EPS15L1: variants seen among roughly 807,000 people sequenced by gnomAD.
The protein encoded by EPS15L1 is epidermal growth factor receptor substrate 15-like 1.
A neutral mutation model predicts 117.1 loss-of-function variants in EPS15L1; 43 were observed. The observed-to-expected ratio is 0.37, with a 90% CI of 0.29 to 0.47. The LOEUF (loss-of-function observed/expected upper bound fraction) is 0.47. Among genes scored for constraint, EPS15L1 ranks in the 20% least tolerant of loss-of-function variants. The pLI, the probability that EPS15L1 is intolerant of heterozygous loss-of-function variation, is 0.99. For missense variants in EPS15L1, 981 were observed against 1,164.0 expected, an observed-to-expected ratio of 0.84 and a Z score of 2.29; for synonymous variants, 459 against 470.5, an observed-to-expected ratio of 0.98 and a Z score of 0.32.
rs768287701 is a variant in EPS15L1, at chr19:16,450,477, C to CTTT, written c.34-8261_34-8259dup. Among the ~76,000 whole-genome samples, 515 of 108,048 alleles carry CTTT rather than the reference C, an allele frequency of 4.8e-3. 8 individuals are homozygous for CTTT. The highest frequency in any genetic ancestry group is 7.2e-3 in the East Asian group (28 of 3,868). The allele number at this position is 108,048 out of a possible 152,430, so 70.9% of individuals were successfully genotyped here. ...CGTGAGCCCCAGGCATGTCCATCTT[C>CTTT]TTTTTTTTTTTTTTTTTTTTTGAGA... On this transcript the variant is annotated intron_variant, in intron 1 of 23. Coordinates refer to ENST00000455140, the MANE Select transcript of EPS15L1 (RefSeq NM_001258374.3).
rs1183718416 is a variant in EPS15L1, at chr19:16,371,977, C to T, written c.2380+5145G>A. ...TGTGCTGCATCTGCCTGAAAGAAAC[C>T]AGTTTCTTCTGCCCAAAACAGACAC... On this transcript the variant is annotated intron_variant, in intron 22 of 23. Coordinates refer to ENST00000455140, the MANE Select transcript of EPS15L1 (RefSeq NM_001258374.3). The surrounding 1 kb of genome is among the most constrained non-coding windows in gnomAD (Gnocchi z 4.7). Among the ~76,000 whole-genome samples, 1 of 152,218 alleles carries T rather than the reference C, an allele frequency of 6.6e-6. No homozygotes were observed.
intron 8 of EPS15L1, 34 bp from the exon 9 acceptor site, chr19:16,425,350 CAAGGCT>C: frequency 6.8e-7 from 1 of 1,460,200 alleles, no homozygotes; most frequent in Non-Finnish European, 9.4e-7. Flanking sequence ...ACTGAAGGGG[CAAGGCT>C]GGGGCCGGGA....
chr19:16,364,785 C>A lies in EPS15L1; in HGVS notation c.2381-2801G>T, dbSNP rs1442084296. On this transcript the variant is annotated intron_variant, in intron 22 of 23. Coordinates refer to ENST00000455140, the MANE Select transcript of EPS15L1 (RefSeq NM_001258374.3). ...GAAGGGGCTCCCTAGGGCTCCTGAG[C>A]AGGATGGAGGGTGGGCGAGGGCCCC... Among the ~76,000 whole-genome samples, 3 of 152,304 alleles carry A rather than the reference C, an allele frequency of 2.0e-5. No individual in the cohort carries two copies. In the East Asian group the frequency reaches 5.8e-4, roughly 29 times the overall value.
Position 16,448,547 on chromosome 19 carries a change from A to AGGGG in EPS15L1, c.34-6332_34-6329dup, listed in dbSNP as rs56824066. Among the ~76,000 whole-genome samples the AGGGG allele has an allele frequency of 1.1e-3, 134 of 119,186 alleles. 1 individual carries two copies. The highest frequency in any genetic ancestry group is 2.4e-3 in the South Asian group (9 of 3,704). 78.2% of individuals were successfully genotyped at this position (119,186 alleles called of 152,430 possible). ...GAGCAAAATTCCGTATTAAAAAAAA[A>AGGGG]GGGGGGGGGAGAAAGGCCGGGCGCG... is the stretch of plus-strand genomic sequence containing the variant. On this transcript the variant is annotated intron_variant, in intron 1 of 23. Transcript: ENST00000455140.
Position 16,440,875 on chromosome 19 carries a change from A to G in EPS15L1, c.200T>C (p.Phe67Ser). The G allele has an allele frequency of 6.2e-7, 1 of 1,614,168 alleles. No homozygotes were observed. Among genetic ancestry groups the G allele is most frequent in the South Asian group, 1.1e-5 (1 of 91,088 alleles). Residue 67 changes from phenylalanine to serine, a missense_variant, in exon 4 of 24, where the codon TTC (phenylalanine) becomes TCC (serine). Transcript: ENST00000455140. ...WDLADPEGKG[F>S]LDKQGFYVAL... ...ATGTGTATATACCTGTTTGTCCAAG[A>G]ACCCTTTACCTTCTGGATCGGCCAA...
At chr19:16,437,931 C>A in intron 4 of EPS15L1, 66 bp from the exon 5 acceptor site, 1 of 1,225,108 alleles carries the variant, frequency 8.2e-7, no homozygotes, top group East Asian at 2.4e-5. Context: ...GGAGCTGTCT[C>A]TAACAGCAGG....
In EPS15L1 at chr19:16,365,596, G is replaced by C. The variant is rs1054142062; in HGVS notation, c.2381-3612C>G. On this transcript the variant is annotated intron_variant, in intron 22 of 23. Transcript: ENST00000455140. This position sits in a 1 kb window ranked among gnomAD's most constrained non-coding sequence, Gnocchi z 4.9. ...AAAGCCACCGGCAGGGGCACCCTGG[G>C]GGACAGTGTGACAGTGTCCTGCACC... Among the ~76,000 whole-genome samples, 1 of 152,198 alleles carries C rather than the reference G, an allele frequency of 6.6e-6. No individual in the cohort carries two copies. Among genetic ancestry groups the C allele is most frequent in the African/African-American group, 2.4e-5 (1 of 41,444 alleles).
intron 3 of EPS15L1, 25 bp from the exon 4 acceptor site, chr19:16,440,934 A>G (rs2093025427): frequency 6.2e-7 from 1 of 1,613,178 alleles, no homozygotes; most frequent in Non-Finnish European, 8.5e-7. Context: ...AAATGCTCAT[A>G]AGCATGACTG....
intron 7 of EPS15L1, among the ~76,000 whole-genome samples, chr19:16,430,615 C>T (rs1297928479): frequency 6.6e-6 from 1 of 152,200 alleles, no homozygotes; most frequent in Non-Finnish European, 1.5e-5. Flanking sequence ...ACTTATTTGA[C>T]TTCTTTGACG....
chr19:16,467,461 T>C (rs1275001357), intron 1 of EPS15L1, among the ~76,000 whole-genome samples: 1 of 151,968 alleles, frequency 6.6e-6, no homozygotes, highest in Non-Finnish European at 1.5e-5. Context: ...GGAAAGTTGT[T>C]TTAAAGTTCA....
Position 16,371,570 on chromosome 19 carries a change from G to A in EPS15L1, c.2380+5552C>T, listed in dbSNP as rs1386591288. 6.6e-6 allele frequency among the ~76,000 whole-genome samples: 1 copy of A among 152,166 alleles called. No homozygotes were observed. Among genetic ancestry groups the A allele is most frequent in the African/African-American group, 2.4e-5 (1 of 41,412 alleles). On this transcript the variant is annotated intron_variant, in intron 22 of 23. Coordinates refer to ENST00000455140, the MANE Select transcript of EPS15L1 (RefSeq NM_001258374.3). This position sits in a 1 kb window ranked among gnomAD's most constrained non-coding sequence, Gnocchi z 4.7. ...AGTAATAAAATAATCATTAAATTGG[G>A]GAGAGGTTAAAGGTGACTGGCTGGT...
At chr19:16,421,152 G>A (rs538641624) in intron 10 of EPS15L1, among the ~76,000 whole-genome samples, 167 bp downstream of exon 10, 5 of 152,356 alleles carry the variant, frequency 3.3e-5, no homozygotes, top group African/African-American at 9.6e-5. Flanking sequence ...GCCTTGGCAC[G>A]TGCACCTTGC....
rs370517056 is a variant in EPS15L1, at chr19:16,401,094, A to G, written c.1791+1227T>C. On this transcript the variant is annotated intron_variant, in intron 16 of 23. Coordinates refer to ENST00000455140, the MANE Select transcript of EPS15L1 (RefSeq NM_001258374.3). Reference sequence around the variant, plus strand: ...TGAAGGATGAATGCTCATCGTTTAAATTTAGACGATAAAGCTGATGATGAC... The same window carrying G: ...TGAAGGATGAATGCTCATCGTTTAAGTTTAGACGATAAAGCTGATGATGAC... 2.6e-5 allele frequency: 26 copies of G among 985,380 alleles called. No individual in the cohort carries two copies. The South Asian group carries it at 1.1e-3, about 43-fold the overall frequency. The allele number at this position is 985,380 out of a possible 1,614,324, so 61.0% of individuals were successfully genotyped here.
chr19:16,429,279 A>G (rs2092906953), intron 7 of EPS15L1, among the ~76,000 whole-genome samples: 1 of 152,180 alleles, frequency 6.6e-6, no homozygotes, highest in South Asian at 2.1e-4. Flanking sequence ...GAAGGCAGGC[A>G]GGCGTGGGTT....
At chr19:16,394,450 G>A (rs1039411539) in intron 17 of EPS15L1, among the ~76,000 whole-genome samples, 1 of 152,124 alleles carries the variant, frequency 6.6e-6, no homozygotes, top group East Asian at 1.9e-4. Context: ...TGCCAGATTC[G>A]CCTCTCAGAC....
intron 1 of EPS15L1, among the ~76,000 whole-genome samples, chr19:16,449,196 C>A (rs1388967584): frequency 1.3e-5 from 2 of 151,644 alleles, no homozygotes; most frequent in African/African-American, 4.9e-5. Context: ...ATTGCTTGAT[C>A]CCAGGAGTTC....
intron 13 of EPS15L1, among the ~76,000 whole-genome samples, chr19:16,410,099 G>C (rs1240146366): frequency 6.7e-6 from 1 of 149,346 alleles, no homozygotes; most frequent in Non-Finnish European, 1.5e-5. Context: ...GCACCCTTGT[G>C]CTCCAGCCTA....
intron 16 of EPS15L1, among the ~76,000 whole-genome samples, chr19:16,398,360 T>A (rs910308010): frequency 6.6e-6 from 1 of 152,170 alleles, no homozygotes; most frequent in African/African-American, 2.4e-5. Context: ...TTAGACAAGT[T>A]AAGTACAGAT....
At chr19:16,432,128 G>A (rs1457883720) in intron 7 of EPS15L1, among the ~76,000 whole-genome samples, 2 of 152,150 alleles carry the variant, frequency 1.3e-5, no homozygotes, top group African/African-American at 4.8e-5. Context: ...GAAACAAATT[G>A]AGGCTTTTAA....
Sources: gnomAD v4.1 joint callset for allele counts (sites outside exome capture counted in the v4.1 genomes callset) on GRCh38, gnomAD v4.1.1 for gene constraint, Gnocchi (gnomAD v3.1) non-coding constraint, MANE v1.5 for transcripts, NCBI Gene and HGNC (gene_info 2026-07-23, HGNC 2026-07-21) for gene names.